Variants in CTTNBP2 observed in about 807,000 individuals in gnomAD.
CTTNBP2 encodes the protein cortactin-binding protein 2.
Under a neutral mutation model 156.9 loss-of-function variants are expected in CTTNBP2, and 108 were observed. The ratio of observed to expected loss-of-function variants is 0.69; its 90% CI spans 0.59 to 0.81. The LOEUF (loss-of-function observed/expected upper bound fraction) is 0.81. Among genes scored for constraint, CTTNBP2 ranks in the 30% least tolerant of loss-of-function variants. The pLI is 0.00. For synonymous variants in CTTNBP2, 767 were observed against 751.8 expected (o/e 1.02, Z -0.33); for missense variants, 1,924 against 2,035.4 (o/e 0.95, Z 1.05).
At chr7:117,749,311 G>T (rs1796502312) in intron 12 of CTTNBP2, among the ~76,000 whole-genome samples, 1 of 152,302 alleles carries the variant, frequency 6.6e-6, no homozygotes, top group South Asian at 2.1e-4. Flanking sequence ...TTGGGTGGCT[G>T]AATCTCCTTC....
At chr7:117,872,104 C>T in intron 1 of CTTNBP2, 1 of 385,782 alleles carries the variant, frequency 2.6e-6, no homozygotes, top group Non-Finnish European at 3.5e-6. Context: ...CAAAACTTGC[C>T]AGTTTTACAA....
At chr7:117,754,671 G>C (rs1393959505) in intron 12 of CTTNBP2, among the ~76,000 whole-genome samples, 25 of 152,202 alleles carry the variant, frequency 1.6e-4, no homozygotes, top group Admixed American at 1.6e-3. Context: ...GCTGAAATAA[G>C]TGATACATTT....
chr7:117,728,368 G>GT, intron 16 of CTTNBP2, 101 bp from the exon 17 acceptor site: 1 of 850,914 alleles, frequency 1.2e-6, no homozygotes, highest in East Asian at 2.6e-5. Flanking sequence ...AAATTGAAAA[G>GT]TAGCTGAATC....
chr7:117,837,459 C>T (rs1802025873), intron 2 of CTTNBP2, among the ~76,000 whole-genome samples: 1 of 152,142 alleles, frequency 6.6e-6, no homozygotes, highest in Non-Finnish European at 1.5e-5. Context: ...TTTGCCCTAA[C>T]CAGCCTCTCT....
At chr7:117,781,316 A>G in intron 6 of CTTNBP2, among the ~76,000 whole-genome samples, 1 of 152,256 alleles carries the variant, frequency 6.6e-6, no homozygotes, top group South Asian at 2.1e-4. Context: ...TCAAAGTAAG[A>G]AGCAATCCAC....
chr7:117,723,260 G>A (rs1794901106), intron 19 of CTTNBP2, among the ~76,000 whole-genome samples: 1 of 151,544 alleles, frequency 6.6e-6, no homozygotes, highest in African/African-American at 2.4e-5. Context: ...ATGCACTTAG[G>A]GTAATTGGGG....
At chr7:117,867,777 A>G (rs1027784557) in intron 1 of CTTNBP2, among the ~76,000 whole-genome samples, 1 of 152,216 alleles carries the variant, frequency 6.6e-6, no homozygotes, top group Non-Finnish European at 1.5e-5. Context: ...AACATATAGT[A>G]CGAGAACATG....
intron 2 of CTTNBP2, among the ~76,000 whole-genome samples, chr7:117,851,045 A>G (rs1337363705): frequency 6.6e-6 from 1 of 152,188 alleles, no homozygotes; most frequent in African/African-American, 2.4e-5. Context: ...TTAAAAAACA[A>G]AGTTTCTACC....
At chr7:117,715,173 T>C (rs1181268866) in intron 22 of CTTNBP2, among the ~76,000 whole-genome samples, 2 of 151,838 alleles carry the variant, frequency 1.3e-5, no homozygotes, top group Admixed American at 6.6e-5. Flanking sequence ...GAAGGTGGCA[T>C]TGGGGGTGAG....
intron 8 of CTTNBP2, among the ~76,000 whole-genome samples, chr7:117,770,527 C>T (rs1267963607): frequency 6.6e-6 from 1 of 152,196 alleles, no homozygotes; most frequent in Non-Finnish European, 1.5e-5. Context: ...AGGCACATTC[C>T]ACACTTTGCA....
chr7:117,712,583 C>T (rs1301188285), intron 22 of CTTNBP2, among the ~76,000 whole-genome samples: 2 of 152,168 alleles, frequency 1.3e-5, no homozygotes, highest in African/African-American at 4.8e-5. Context: ...ACCTTGATAA[C>T]TTCTCCTCTT....
chr7:117,740,124 CAAGA>C (rs2116519562), intron 14 of CTTNBP2, among the ~76,000 whole-genome samples: 1 of 152,062 alleles, frequency 6.6e-6, no homozygotes, highest in South Asian at 2.1e-4. Context: ...GACCCTCTCT[CAAGA>C]AAGGGAATAT....
At chr7:117,775,756 T>C (rs1798062875) in intron 8 of CTTNBP2, among the ~76,000 whole-genome samples, 1 of 152,128 alleles carries the variant, frequency 6.6e-6, no homozygotes, top group Non-Finnish European at 1.5e-5. Flanking sequence ...ACTGTGCATA[T>C]TCAAGTTTAA....
At chr7:117,817,291 G>A (rs1216623275) in intron 2 of CTTNBP2, among the ~76,000 whole-genome samples, 1 of 135,040 alleles carries the variant, frequency 7.4e-6, no homozygotes, top group Admixed American at 8.3e-5. Flanking sequence ...CTGCGATTGT[G>A]CCACTGCACT....
chr7:117,826,166 T>C (rs755375532), intron 2 of CTTNBP2, among the ~76,000 whole-genome samples: 11 of 152,174 alleles, frequency 7.2e-5, no homozygotes, highest in Non-Finnish European at 1.5e-4. Context: ...GGGGCATTCA[T>C]GAAACATAGC....
At chr7:117,744,152 C>T (rs1445101287) in intron 14 of CTTNBP2, among the ~76,000 whole-genome samples, 2 of 152,102 alleles carry the variant, frequency 1.3e-5, no homozygotes, top group Admixed American at 6.5e-5. Flanking sequence ...AGCATTTATC[C>T]TTTGTGTTAC....
chr7:117,817,361 AATAT>A lies in CTTNBP2; in HGVS notation c.190-6376_190-6373del, dbSNP rs59036381. Reference sequence around the variant, plus strand: ...AAAAAAAAAAAAAAAAAAAAAAAAAAATATATATATATATATATATATATATAAT... The same window carrying A: ...AAAAAAAAAAAAAAAAAAAAAAAAAAATATATATATATATATATATATAAT... On this transcript the variant is annotated intron_variant, in intron 2 of 22. Coordinates refer to ENST00000160373, the MANE Select transcript of CTTNBP2 (RefSeq NM_033427.3). Among the ~76,000 whole-genome samples the A allele has an allele frequency of 6.2e-3, 331 of 53,266 alleles. 3 individuals carry two copies. The highest frequency in any genetic ancestry group is 0.017 in the East Asian group (28 of 1,636). 34.9% of individuals were successfully genotyped at this position (53,266 alleles called of 152,430 possible).
intron 14 of CTTNBP2, among the ~76,000 whole-genome samples, chr7:117,741,458 C>A (rs1796012571): frequency 6.6e-6 from 1 of 151,986 alleles, no homozygotes. Context: ...TATGAATTTT[C>A]TTTTCTGCTT....
intron 22 of CTTNBP2, among the ~76,000 whole-genome samples, 169 bp from the exon 23 acceptor site, chr7:117,711,951 A>G (rs983726024): frequency 6.6e-6 from 1 of 152,216 alleles, no homozygotes; most frequent in Non-Finnish European, 1.5e-5. Context: ...AATTTCCTAT[A>G]GACTTACTGC....
Sources: allele counts gnomAD v4.1 joint callset (sites outside exome capture counted in the v4.1 genomes callset), GRCh38; gene constraint gnomAD v4.1.1; transcripts MANE v1.5; gene names NCBI Gene and HGNC (gene_info 2026-07-23, HGNC 2026-07-21).